DSC3: variants seen among roughly 807,000 people sequenced by gnomAD.
DSC3 encodes desmocollin-3.
A neutral mutation model predicts 89.5 loss-of-function variants in DSC3; 97 were observed. That is an observed-to-expected ratio of 1.08 (90% confidence interval 0.92 to 1.28). DSC3 has a LOEUF of 1.28. Ranked by LOEUF, DSC3 falls within the 50% of genes most tolerant of loss-of-function variation. DSC3 has a pLI of 0.00. For missense variants in DSC3, 1,199 were observed against 1,085.3 expected (o/e 1.10, Z -1.47); for synonymous variants, 436 against 384.1 (o/e 1.14, Z -1.58).
chr18:31,031,492 C>T (rs909972244), intron 2 of DSC3, among the ~76,000 whole-genome samples: 1 of 152,078 alleles, frequency 6.6e-6, no homozygotes, highest in Non-Finnish European at 1.5e-5. Flanking sequence ...GAGCAACATG[C>T]CCCCAACACA....
At chr18:31,018,841 T>A in intron 7 of DSC3, 41 bp from the exon 8 acceptor site, 1 of 1,602,738 alleles carries the variant, frequency 6.2e-7, no homozygotes, top group Non-Finnish European at 8.5e-7. Flanking sequence ...TGAAAAATTT[T>A]TGGTAGATTT....
intron 1 of DSC3, among the ~76,000 whole-genome samples, chr18:31,033,362 C>G (rs1011468661): frequency 6.6e-6 from 1 of 151,854 alleles, no homozygotes; most frequent in African/African-American, 2.4e-5. Flanking sequence ...AATTTCAAAA[C>G]TTACTACAAA....
At chr18:31,035,292 A>G (rs988815201) in intron 1 of DSC3, among the ~76,000 whole-genome samples, 1 of 152,060 alleles carries the variant, frequency 6.6e-6, no homozygotes, top group Admixed American at 6.5e-5. Flanking sequence ...CCCTCACTTA[A>G]ATTAGTCAGA....
rs533043044 is a variant in DSC3, at chr18:31,031,306, T to C, written c.155-134A>G. 4.8e-6 allele frequency: 3 copies of C among 623,072 alleles called. 1 individual carries two copies. The highest frequency in any genetic ancestry group is 3.7e-5 in the African/African-American group (2 of 54,382). 38.6% of individuals were successfully genotyped at this position (623,072 alleles called of 1,614,324 possible). On this transcript the variant is annotated intron_variant, in intron 2 of 15. Transcript: ENST00000360428. ...CCAATCACTTTGCATTTACCAGATA[T>C]CTTAACCTGTTTTTTACATTACTTA... is the stretch of plus-strand genomic sequence containing the variant.
chr18:31,037,957 T>A (rs927207528), intron 1 of DSC3, among the ~76,000 whole-genome samples: 1 of 152,220 alleles, frequency 6.6e-6, no homozygotes, highest in Non-Finnish European at 1.5e-5. Context: ...ATGAATTCTT[T>A]TGAAATGAAA....
intron 14 of DSC3, among the ~76,000 whole-genome samples, chr18:30,999,740 T>A (rs1984590173): frequency 6.6e-6 from 1 of 152,134 alleles, no homozygotes. Flanking sequence ...CAACTCCTAA[T>A]CCCATGTGCA....
At chr18:31,019,912 T>C (rs1048090999) in intron 7 of DSC3, among the ~76,000 whole-genome samples, 9 of 152,142 alleles carry the variant, frequency 5.9e-5, no homozygotes, top group African/African-American at 2.2e-4. Context: ...GACTTAACAG[T>C]AAATTCTATA....
intron 15 of DSC3, among the ~76,000 whole-genome samples, chr18:30,996,167 A>C (rs183555448): frequency 1.2e-3 from 177 of 152,058 alleles, no homozygotes; most frequent in Non-Finnish European, 1.1e-3. Context: ...TGGTGACTAT[A>C]GTTAATAATA....
chr18:31,012,190 T>C (rs1985093651), intron 9 of DSC3, among the ~76,000 whole-genome samples: 1 of 152,032 alleles, frequency 6.6e-6, no homozygotes, highest in Non-Finnish European at 1.5e-5. Flanking sequence ...AGACTATGAA[T>C]GACTCAAAGG....
rs1365879016 is a variant in DSC3, at chr18:31,029,943, C to T, written c.355-315G>A. On this transcript the variant is annotated intron_variant, in intron 3 of 15. Coordinates refer to ENST00000360428, the MANE Select transcript of DSC3 (RefSeq NM_001941.5). Reference sequence around the variant, plus strand: ...CTTTGTCCCAAATGGAGACATAGAACATATTCTGTCTACAACAATCTCCAG... The same window carrying T: ...CTTTGTCCCAAATGGAGACATAGAATATATTCTGTCTACAACAATCTCCAG... 3.3e-5 allele frequency among the ~76,000 whole-genome samples: 5 copies of T among 152,154 alleles called. No individual in the cohort carries two copies. In the East Asian group the frequency reaches 9.6e-4, roughly 29 times the overall value.
At chr18:31,003,379 C>T (rs181315438) in intron 13 of DSC3, among the ~76,000 whole-genome samples, 2 of 152,280 alleles carry the variant, frequency 1.3e-5, no homozygotes, top group Non-Finnish European at 2.9e-5. Flanking sequence ...TTCCTGCCTA[C>T]AGTAGGTGTT....
At chr18:30,994,524 T>C (rs1984391210) in intron 15 of DSC3, 152 bp from the exon 16 acceptor site, 1 of 1,556,978 alleles carries the variant, frequency 6.4e-7, no homozygotes. Flanking sequence ...AAATGATTGG[T>C]CTATATCACA....
At position 30,993,348 on chromosome 18, in the gene DSC3, A is replaced by G. The variant is rs1567946367; in HGVS notation, c.*827T>C. The G allele has an allele frequency of 6.6e-6, 1 of 152,170 alleles. No homozygotes were observed. Among genetic ancestry groups the G allele is most frequent in the Non-Finnish European group, 1.5e-5 (1 of 68,044 alleles). 9.4% of individuals were successfully genotyped at this position (152,170 alleles called of 1,614,324 possible). On this transcript the variant is annotated 3_prime_UTR_variant, in exon 16 of 16. Transcript: ENST00000360428. Reference sequence around the variant, plus strand: ...AAGCTACTGTTCCATTGGATTCCCTATTTCCTTCCCACAGAAACCAGAAAA... The same window carrying G: ...AAGCTACTGTTCCATTGGATTCCCTGTTTCCTTCCCACAGAAACCAGAAAA...
intron 7 of DSC3, among the ~76,000 whole-genome samples, chr18:31,021,464 A>G (rs1241467080): frequency 6.6e-6 from 1 of 152,180 alleles, no homozygotes; most frequent in East Asian, 1.9e-4. Flanking sequence ...ACTACTTCTC[A>G]GTACTTTTTA....
Position 31,025,825 on chromosome 18 carries a change from C to A in DSC3, c.565G>T (p.Glu189Ter). 2 of 1,613,124 alleles carry A rather than the reference C, an allele frequency of 1.2e-6. No homozygotes were observed. Among genetic ancestry groups the A allele is most frequent in the Non-Finnish European group, 1.7e-6 (2 of 1,179,416 alleles). Residue 189 changes from glutamate (E) to a stop codon, truncating the protein, a stop_gained, in exon 5 of 16, where the codon GAA (glutamate) becomes TAA (stop). Transcript: ENST00000360428. LOFTEE classifies it high-confidence loss of function. ...DKEPLNLFYI[E>*]RDTGNLFCTR... is the part of the protein sequence containing the mutation. Reference sequence around the variant, plus strand: ...CAAAATAGATTTCCAGTGTCTCTTTCTATATAAAACAAATTTAAAGGTTCT... The same window carrying A: ...CAAAATAGATTTCCAGTGTCTCTTTATATATAAAACAAATTTAAAGGTTCT...
At chr18:30,997,132 G>C in intron 14 of DSC3, 84 bp from the exon 15 acceptor site, 2 of 1,514,368 alleles carry the variant, frequency 1.3e-6, no homozygotes, top group South Asian at 2.3e-5. Flanking sequence ...GAGAATATTT[G>C]TTCAACCTTT....
At position 31,007,311 on chromosome 18, in the gene DSC3, C is replaced by G. The variant is rs12607476; in HGVS notation, c.1664-180G>C. On this transcript the variant is annotated intron_variant, in intron 11 of 15. Transcript: ENST00000360428. ...AGAATCTGCAGCTAATTTGAAATGA[C>G]TATTGCTACTGATAATATCAGATAC... Among the ~76,000 whole-genome samples, 39,239 of 152,002 alleles carry G rather than the reference C, an allele frequency of 0.26. 5,529 individuals carry two copies. The highest frequency in any genetic ancestry group is 0.59 in the East Asian group (3,037 of 5,162).
rs771575225 is a variant in DSC3 at position 30,994,181 on chromosome 18, C to T, written c.2685G>A (p.Lys895=). The T allele has an allele frequency of 4.3e-6, 7 of 1,613,900 alleles. No individual in the cohort carries two copies. The highest frequency in any genetic ancestry group is 1.7e-4 in the Middle Eastern group (1 of 6,058). The part of the protein sequence containing the change: ...KFITLAEACT[K]R ...TAATTGTAGCACTGTGACATTATCT[C>T]TTTGTGCATGCTTCTGCTAATGTAA... The change falls in exon 16 of 16, where the codon AAG becomes AAA. Residue 895 remains lysine (K), a synonymous_variant. Transcript: ENST00000360428.
rs74604966 is a variant in DSC3, at chr18:30,997,778, A to G, written c.2236-730T>C. On this transcript the variant is annotated intron_variant, in intron 14 of 15. Coordinates refer to ENST00000360428, the MANE Select transcript of DSC3 (RefSeq NM_001941.5). ...GTAGAGCATTAAAATTCAAATCCAA[A>G]CAGGGTAGGTGGAATAGAACAGGTA... Among the ~76,000 whole-genome samples the G allele has an allele frequency of 7.5e-3, 1,136 of 152,232 alleles. 13 individuals carry two copies. The highest frequency in any genetic ancestry group is 0.026 in the African/African-American group (1,076 of 41,552).
Sources: gnomAD v4.1 joint callset for allele counts (sites outside exome capture counted in the v4.1 genomes callset) on GRCh38, gnomAD v4.1.1 for gene constraint, MANE v1.5 for transcripts, NCBI Gene and HGNC (gene_info 2026-07-23, HGNC 2026-07-21) for gene names.